Variants in WASF1 observed in about 807,000 individuals in gnomAD.
The protein encoded by WASF1 is actin-binding protein WASF1.
Under a neutral mutation model 50.5 loss-of-function variants are expected in WASF1, and 7 were observed. That is an observed-to-expected ratio of 0.14 (90% CI 0.08 to 0.26). WASF1 has a LOEUF of 0.26. Ranked by LOEUF, WASF1 falls within the 10% of genes least tolerant of loss-of-function variation. The pLI, the probability that WASF1 is intolerant of heterozygous loss-of-function variation, is 1.00. For missense variants in WASF1, 470 were observed against 694.7 expected (o/e 0.68, Z 3.64); for synonymous variants, 205 against 244.0 (o/e 0.84, Z 1.49).
At chr6:110,165,944 T>C (rs1028741119) in intron 2 of WASF1, among the ~76,000 whole-genome samples, 2 of 151,566 alleles carry the variant, frequency 1.3e-5, no homozygotes, top group Admixed American at 6.6e-5. Flanking sequence ...ATTCCAGGAA[T>C]AAAGGAAGCA....
intron 3 of WASF1, among the ~76,000 whole-genome samples, chr6:110,131,178 T>C (rs1163539970): frequency 1.3e-5 from 2 of 152,330 alleles, no homozygotes; most frequent in Non-Finnish European, 1.5e-5. Flanking sequence ...GTGGTAGGGA[T>C]ATTCTCAATC....
chr6:110,110,260 G>A (rs1255965961), intron 5 of WASF1, among the ~76,000 whole-genome samples: 1 of 152,178 alleles, frequency 6.6e-6, no homozygotes, highest in Non-Finnish European at 1.5e-5. Flanking sequence ...CTGACCTGAG[G>A]TTAAACAGTT....
At chr6:110,161,677 C>A (rs1776268101) in intron 2 of WASF1, among the ~76,000 whole-genome samples, 1 of 151,484 alleles carries the variant, frequency 6.6e-6, no homozygotes, top group South Asian at 2.1e-4. Context: ...CCTTGCCATT[C>A]AGCAAAAAAC....
At chr6:110,137,320 G>T (rs1775012948) in intron 3 of WASF1, among the ~76,000 whole-genome samples, 1 of 152,134 alleles carries the variant, frequency 6.6e-6, no homozygotes, top group Non-Finnish European at 1.5e-5. Flanking sequence ...ATATCCAATA[G>T]AGGATCAAGC....
At chr6:110,151,023 G>A (rs1278917689) in intron 3 of WASF1, among the ~76,000 whole-genome samples, 3 of 152,196 alleles carry the variant, frequency 2.0e-5, no homozygotes, top group African/African-American at 7.2e-5. Flanking sequence ...GGCATCAAGA[G>A]TGAAACTCTG....
chr6:110,148,554 C>T (rs1225256366), intron 3 of WASF1, among the ~76,000 whole-genome samples: 1 of 152,088 alleles, frequency 6.6e-6, no homozygotes, highest in African/African-American at 2.4e-5. Context: ...ATAATGAGAG[C>T]AAGCCATCAT....
chr6:110,124,235 C>CTCTCT (rs1554201262), intron 4 of WASF1, among the ~76,000 whole-genome samples: 2 of 11,030 alleles, frequency 1.8e-4, no homozygotes, highest in Admixed American at 1.8e-3. Context: ...TCCTCTCTCT[C>CTCTCT]CTCTCTCTCT....
intron 4 of WASF1, among the ~76,000 whole-genome samples, chr6:110,121,547 A>C (rs1774124452): frequency 6.6e-6 from 1 of 152,228 alleles, no homozygotes; most frequent in South Asian, 2.1e-4. Context: ...GATGCTGGAG[A>C]GGATGTGGAG....
intron 4 of WASF1, among the ~76,000 whole-genome samples, chr6:110,115,181 T>G (rs560072482): frequency 4.1e-4 from 62 of 151,436 alleles, no homozygotes; most frequent in African/African-American, 1.5e-3. Flanking sequence ...GAACAGAGTT[T>G]TAATGCAGAT....
intron 4 of WASF1, among the ~76,000 whole-genome samples, chr6:110,114,069 T>C (rs183247087): frequency 1.3e-5 from 2 of 152,320 alleles, no homozygotes; most frequent in Admixed American, 6.5e-5. Context: ...TGTAACAATT[T>C]TATAGCCACC....
rs1233671331 is a variant in WASF1, at chr6:110,100,500, A to G, written c.*22T>C. On this transcript the variant is annotated 3_prime_UTR_variant, in exon 11 of 11. Transcript: ENST00000392589. ...AAAGGACATTTGCATTCAGTTTTGT[A>G]ATATTTATCAATGCATTTTTCTTAC... The G allele has an allele frequency of 6.3e-7, 1 of 1,590,042 alleles. No homozygotes were observed. Among genetic ancestry groups the G allele is most frequent in the Non-Finnish European group, 8.6e-7 (1 of 1,163,982 alleles).
At chr6:110,151,665 T>C (rs1775831625) in intron 3 of WASF1, among the ~76,000 whole-genome samples, 1 of 152,192 alleles carries the variant, frequency 6.6e-6, no homozygotes. Flanking sequence ...ACAATATTAA[T>C]CACAATTTTG....
At chr6:110,170,470 T>C (rs1405751037) in intron 2 of WASF1, among the ~76,000 whole-genome samples, 2 of 152,144 alleles carry the variant, frequency 1.3e-5, no homozygotes, top group African/African-American at 4.8e-5. Context: ...GTGATTGGCC[T>C]GACTCAGCCT....
At chr6:110,116,024 C>T (rs950523915) in intron 4 of WASF1, among the ~76,000 whole-genome samples, 1 of 152,092 alleles carries the variant, frequency 6.6e-6, no homozygotes, top group African/African-American at 2.4e-5. Context: ...CAAACCAGTA[C>T]CAGACAATGA....
At position 110,107,152 on chromosome 6, in the gene WASF1, C is replaced by A. The variant is rs144929722; in HGVS notation, c.465G>T (p.Ser155=). ...KEGLKFYTNP[S]YFFDLWKEKM... is the part of the protein sequence containing the mutation. Reference sequence around the variant, plus strand: ...TTTCTTTCCATAGATCAAAGAAATACGAAGGATTGGTATAAAACTTCAGAC... The same window carrying A: ...TTTCTTTCCATAGATCAAAGAAATAAGAAGGATTGGTATAAAACTTCAGAC... The change falls in exon 7 of 11, where the codon TCG becomes TCT. Residue 155 remains serine, a synonymous_variant. Transcript: ENST00000392589. 6.2e-6 allele frequency: 10 copies of A among 1,607,288 alleles called. No individual in the cohort carries two copies. The highest frequency in any genetic ancestry group is 8.5e-6 in the Non-Finnish European group (10 of 1,178,102).
intron 4 of WASF1, among the ~76,000 whole-genome samples, chr6:110,123,767 C>T (rs1774242301): frequency 6.6e-6 from 1 of 152,118 alleles, no homozygotes; most frequent in Non-Finnish European, 1.5e-5. Flanking sequence ...ATAAGGGAAG[C>T]ATCCCAAATG....
chr6:110,132,530 C>T (rs548323151), intron 3 of WASF1, among the ~76,000 whole-genome samples: 1 of 151,500 alleles, frequency 6.6e-6, no homozygotes, highest in South Asian at 2.1e-4. Context: ...TAAGGAAGTT[C>T]CTTTATTATT....
At chr6:110,124,216 T>TCTCTCCCC in intron 4 of WASF1, among the ~76,000 whole-genome samples, 1 of 63,544 alleles carries the variant, frequency 1.6e-5, no homozygotes, top group Middle Eastern at 6.7e-3. Context: ...TCTCTCTCTC[T>TCTCTCCCC]CCTCTCTCTC....
At chr6:110,129,042 T>C (rs1774543473) in intron 3 of WASF1, among the ~76,000 whole-genome samples, 1 of 151,938 alleles carries the variant, frequency 6.6e-6, no homozygotes, top group African/African-American at 2.4e-5. Flanking sequence ...TAGTCCCTTG[T>C]GCCAAAAACA....
Sources: allele counts gnomAD v4.1 joint callset (sites outside exome capture counted in the v4.1 genomes callset), GRCh38; gene constraint gnomAD v4.1.1; transcripts MANE v1.5; gene names NCBI Gene and HGNC (gene_info 2026-07-23, HGNC 2026-07-21).